The following IPO11 variants were observed in gnomAD, a reference collection of about 807,000 sequenced individuals.
IPO11 encodes importin-11.
In IPO11, 66 loss-of-function variants were observed where a neutral mutation model predicts 143.2. The ratio of observed to expected loss-of-function variants is 0.46; its 90% CI spans 0.38 to 0.57. IPO11 has a LOEUF of 0.57. Among genes scored for constraint, IPO11 ranks in the 20% least tolerant of loss-of-function variants. IPO11 has a pLI of 0.00. For synonymous variants in IPO11, 385 were observed against 377.8 expected (o/e 1.02, Z -0.22); for missense variants, 1,026 against 1,141.0 (o/e 0.90, Z 1.45).
At chr5:62,602,713 C>T (rs1413233207) in intron 29 of IPO11, among the ~76,000 whole-genome samples, 1 of 152,170 alleles carries the variant, frequency 6.6e-6, no homozygotes, top group African/African-American at 2.4e-5. Context: ...GCTCTGAGAG[C>T]CTTCTTTTAA....
At chr5:62,503,369 CTACTAATATATTAATAGTATCTAT>C (rs1561338250) in intron 16 of IPO11, among the ~76,000 whole-genome samples, 78 of 140,652 alleles carry the variant, frequency 5.5e-4, no homozygotes, top group East Asian at 2.2e-3. Flanking sequence ...TTAATAGTAT[CTACTAATATATTAATAGTATCTAT>C]TAATATATTA....
chr5:62,609,698 C>T (rs1467642004), intron 29 of IPO11, among the ~76,000 whole-genome samples: 1 of 152,180 alleles, frequency 6.6e-6, no homozygotes, highest in Non-Finnish European at 1.5e-5. Context: ...CCTAGGCCTC[C>T]CAGTCACCAA....
At chr5:62,477,016 T>C (rs899505132) in intron 9 of IPO11, among the ~76,000 whole-genome samples, 2 of 152,280 alleles carry the variant, frequency 1.3e-5, no homozygotes, top group South Asian at 2.1e-4. Context: ...TTGATTCCTC[T>C]AAAGCTCATT....
At chr5:62,486,583 C>A (rs965348007) in intron 12 of IPO11, among the ~76,000 whole-genome samples, 3 of 152,076 alleles carry the variant, frequency 2.0e-5, no homozygotes, top group Non-Finnish European at 4.4e-5. Flanking sequence ...TGTTTGAGCT[C>A]TTCTTTTTAA....
chr5:62,561,145 C>A lies in IPO11; in HGVS notation c.2470C>A (p.Leu824Ile). 6.2e-7 allele frequency: 1 copy of A among 1,604,484 alleles called. No individual in the cohort carries two copies. The highest frequency in any genetic ancestry group is 8.5e-7 in the Non-Finnish European group (1 of 1,175,890). The change falls in exon 27 of 30, where the codon CTT becomes ATT. Residue 824 changes from leucine (L) to isoleucine (I), a missense_variant. By Grantham distance (5) the Leu-to-Ile change is conservative. Transcript: ENST00000325324. ...CCTCCTCTTGTTTCAGATGGACCAG[C>A]TTTTGGGAAATATGATTGAAATGTG... ...AHKFNQEMDQ[L>I]LGNMIEMWVD...
chr5:62,449,565 C>A, intron 3 of IPO11, among the ~76,000 whole-genome samples: 1 of 151,304 alleles, frequency 6.6e-6, no homozygotes, highest in East Asian at 1.9e-4. Flanking sequence ...AAGTGAACAT[C>A]AAATATATTA....
chr5:62,567,544 G>A (rs1390983031), intron 27 of IPO11, among the ~76,000 whole-genome samples: 4 of 115,460 alleles, frequency 3.5e-5, no homozygotes, highest in African/African-American at 6.7e-5. Flanking sequence ...GAAGGTCAAT[G>A]ACTCTTACAT....
intron 27 of IPO11, chr5:62,579,535 T>C (rs1744459136): frequency 1.3e-6 from 2 of 1,551,056 alleles, no homozygotes; most frequent in Admixed American, 2.0e-5. Context: ...ACTTGGATGT[T>C]CGTCTGTTTG....
chr5:62,543,545 T>C lies in IPO11; in HGVS notation c.2250+6256T>C, dbSNP rs59933188. On this transcript the variant is annotated intron_variant, in intron 24 of 29. Coordinates refer to ENST00000325324, the MANE Select transcript of IPO11 (RefSeq NM_016338.5). ...TCGGTAGTGATATCCCCTTTAACAT[T>C]TTTTATCACGTCTGTTTGATTCTTC... Among the ~76,000 whole-genome samples, 672 of 152,310 alleles carry C rather than the reference T, an allele frequency of 4.4e-3. 7 individuals are homozygous for C. Among genetic ancestry groups the C allele is most frequent in the African/African-American group, 0.016 (648 of 41,578 alleles).
At chr5:62,525,989 C>T (rs1742358324) in intron 20 of IPO11, among the ~76,000 whole-genome samples, 153 bp from the exon 21 acceptor site, 2 of 152,046 alleles carry the variant, frequency 1.3e-5, no homozygotes, top group Non-Finnish European at 2.9e-5. Flanking sequence ...ATAAACAGAA[C>T]TTTGTTTTGC....
At chr5:62,461,378 G>T (rs533597985) in intron 5 of IPO11, among the ~76,000 whole-genome samples, 1 of 152,210 alleles carries the variant, frequency 6.6e-6, no homozygotes, top group South Asian at 2.1e-4. Flanking sequence ...AAGGATAGGG[G>T]ATTCTGGCTA....
At chr5:62,444,353 A>G (rs765119955) in intron 3 of IPO11, among the ~76,000 whole-genome samples, 4 of 151,910 alleles carry the variant, frequency 2.6e-5, no homozygotes, top group Non-Finnish European at 5.9e-5. Context: ...TGGCCTCCCA[A>G]AGTGCTGGGA....
At position 62,450,526 on chromosome 5, in the gene IPO11, A is replaced by G. The variant is rs115931611; in HGVS notation, c.312+527A>G. On this transcript the variant is annotated intron_variant, in intron 4 of 29. Coordinates refer to ENST00000325324, the MANE Select transcript of IPO11 (RefSeq NM_016338.5). ...CTATTACACATTCTGTGATATTCACACAACCACAGAATTGCCCAGTGACAC... is the reference window on the plus strand; with the variant it reads ...CTATTACACATTCTGTGATATTCACGCAACCACAGAATTGCCCAGTGACAC... Among the ~76,000 whole-genome samples the G allele has an allele frequency of 6.9e-3, 1,058 of 152,348 alleles. 11 individuals are homozygous for G. Among genetic ancestry groups the G allele is most frequent in the African/African-American group, 0.025 (1,023 of 41,578 alleles).
chr5:62,601,896 T>G (rs1745519780), intron 29 of IPO11, 48 bp downstream of exon 29: 2 of 1,176,144 alleles, frequency 1.7e-6, no homozygotes, highest in East Asian at 2.4e-5. Flanking sequence ...TATATTATCA[T>G]TTTCTGTAGG....
intron 24 of IPO11, among the ~76,000 whole-genome samples, chr5:62,543,740 T>A (rs903086268): frequency 1.3e-5 from 2 of 152,190 alleles, no homozygotes; most frequent in Non-Finnish European, 2.9e-5. Context: ...TTTGAATGTG[T>A]TTGCTCTTGC....
At chr5:62,532,250 C>G (rs899734218) in intron 22 of IPO11, among the ~76,000 whole-genome samples, 2 of 152,178 alleles carry the variant, frequency 1.3e-5, no homozygotes, top group Non-Finnish European at 2.9e-5. Context: ...GATTTAAATA[C>G]AAAGCATATG....
At chr5:62,445,179 A>G (rs748551622) in intron 3 of IPO11, among the ~76,000 whole-genome samples, 12 of 152,070 alleles carry the variant, frequency 7.9e-5, no homozygotes, top group Non-Finnish European at 1.8e-4. Context: ...TTTTAAAAAG[A>G]TGCTTGTTTC....
chr5:62,603,777 A>C (rs896070516), intron 29 of IPO11, among the ~76,000 whole-genome samples: 2 of 152,222 alleles, frequency 1.3e-5, no homozygotes. Context: ...TTCCTTTTCA[A>C]AGTTACAATG....
chr5:62,612,522 G>A (rs1195761416), intron 29 of IPO11, among the ~76,000 whole-genome samples: 4 of 152,120 alleles, frequency 2.6e-5, no homozygotes, highest in Non-Finnish European at 4.4e-5. Flanking sequence ...ACGAGAATCC[G>A]GCTTTCATTT....
Sources: allele counts gnomAD v4.1 joint callset (sites outside exome capture counted in the v4.1 genomes callset), GRCh38; gene constraint gnomAD v4.1.1; transcripts MANE v1.5; gene names NCBI Gene and HGNC (gene_info 2026-07-23, HGNC 2026-07-21).